The following EBF1 variants were observed in gnomAD, a reference collection of about 807,000 sequenced individuals.
EBF1 encodes EBF transcription factor 1.
Under a neutral mutation model 68.4 loss-of-function variants are expected in EBF1, and 10 were observed. That is an observed-to-expected ratio of 0.15 (90% CI 0.09 to 0.25). The LOEUF (loss-of-function observed/expected upper bound fraction) is 0.25. EBF1 is among the 10% of genes least tolerant of loss of function. The probability of loss-of-function intolerance (pLI) is 1.00; values close to 1 mark genes in which losing one functional copy is unlikely to be tolerated. For synonymous variants in EBF1, 298 were observed against 299.8 expected, an observed-to-expected ratio of 0.99 and a Z score of 0.06; for missense variants, 509 against 794.4, an observed-to-expected ratio of 0.64 and a Z score of 4.32.
At chr5:159,006,239 A>G (rs1196886350) in intron 6 of EBF1, among the ~76,000 whole-genome samples, 1 of 152,118 alleles carries the variant, frequency 6.6e-6, no homozygotes, top group Non-Finnish European at 1.5e-5. Flanking sequence ...ACACTTCCAA[A>G]AGATAACTGG....
chr5:158,860,264 A>T (rs1396929491), intron 6 of EBF1, among the ~76,000 whole-genome samples: 1 of 152,230 alleles, frequency 6.6e-6, no homozygotes, highest in Admixed American at 6.5e-5. Flanking sequence ...ACTAAGGTAG[A>T]CACTATCAAT....
chr5:158,914,308 T>C (rs1806656144), intron 6 of EBF1, among the ~76,000 whole-genome samples: 1 of 152,188 alleles, frequency 6.6e-6, no homozygotes, highest in Non-Finnish European at 1.5e-5. Flanking sequence ...TAATGATCTC[T>C]GAAAACAGCC....
chr5:159,060,113 ACAAT>A (rs1258358155), intron 6 of EBF1, among the ~76,000 whole-genome samples: 8 of 152,232 alleles, frequency 5.3e-5, no homozygotes, highest in Non-Finnish European at 5.9e-5. Flanking sequence ...GAGACATTAT[ACAAT>A]CAAAGTACTT....
At chr5:158,829,276 A>T (rs964056055) in intron 7 of EBF1, among the ~76,000 whole-genome samples, 1 of 151,858 alleles carries the variant, frequency 6.6e-6, no homozygotes, top group Admixed American at 6.6e-5. Context: ...TCCCGGGCTC[A>T]ACTGGTCCTC....
At chr5:158,764,697 T>G (rs1772258207) in intron 10 of EBF1, among the ~76,000 whole-genome samples, 1 of 152,158 alleles carries the variant, frequency 6.6e-6, no homozygotes, top group African/African-American at 2.4e-5. Context: ...GGGAGGCAGC[T>G]TGAGGTTCTA....
chr5:158,770,512 C>T (rs1478368254), intron 10 of EBF1, among the ~76,000 whole-genome samples: 1 of 152,112 alleles, frequency 6.6e-6, no homozygotes, highest in Non-Finnish European at 1.5e-5. Context: ...AACAAAACTC[C>T]TCCCCATGGC....
rs747957453 is a variant in EBF1 at position 158,777,679 on chromosome 5, G to A, written c.910-140C>T. On this transcript the variant is annotated intron_variant, in intron 9 of 15. Transcript: ENST00000313708. Reference sequence around the variant, plus strand: ...TAAATCCAATCTTGATGGAACCTGCGTGAAAGACACTGACAACAATATTTA... The same window carrying A: ...TAAATCCAATCTTGATGGAACCTGCATGAAAGACACTGACAACAATATTTA... The A allele has an allele frequency of 1.3e-5, 11 of 828,792 alleles. No individual in the cohort carries two copies. The Admixed American group carries it at 1.4e-4, about 10-fold the overall frequency. The allele number at this position is 828,792 out of a possible 1,614,324, so 51.3% of individuals were successfully genotyped here.
At chr5:158,979,430 T>A (rs1214146420) in intron 6 of EBF1, among the ~76,000 whole-genome samples, 2 of 152,184 alleles carry the variant, frequency 1.3e-5, no homozygotes, top group African/African-American at 4.8e-5. Flanking sequence ...AGTGGGTGTG[T>A]GTGTTTTAAT....
intron 10 of EBF1, among the ~76,000 whole-genome samples, chr5:158,761,611 T>G (rs974301559): frequency 6.6e-6 from 1 of 152,210 alleles, no homozygotes; most frequent in Non-Finnish European, 1.5e-5. Context: ...TCATTTCTTT[T>G]TAATGCTACC....
Position 158,809,133 on chromosome 5 carries a change from G to A in EBF1, c.779-12658C>T, listed in dbSNP as rs536912868. ...GGGACCTCATTCATTTACAAACTGG[G>A]TAGACAGTACTCTGCACTCAACCCA... On this transcript the variant is annotated intron_variant, in intron 8 of 15. Coordinates refer to ENST00000313708, the MANE Select transcript of EBF1 (RefSeq NM_024007.5). Among the ~76,000 whole-genome samples, 4 of 152,190 alleles carry A rather than the reference G, an allele frequency of 2.6e-5. No individual in the cohort carries two copies. In the East Asian group the frequency reaches 7.7e-4, roughly 29 times the overall value.
At chr5:158,821,784 G>C (rs1462797088) in intron 8 of EBF1, among the ~76,000 whole-genome samples, 2 of 152,200 alleles carry the variant, frequency 1.3e-5, no homozygotes, top group African/African-American at 4.8e-5. Context: ...GCAGGTGTTT[G>C]AAATGGCCTC....
chr5:158,783,317 A>G (rs556813925), intron 9 of EBF1, among the ~76,000 whole-genome samples: 6 of 152,334 alleles, frequency 3.9e-5, no homozygotes, highest in African/African-American at 1.2e-4. Context: ...AATATGTATT[A>G]CATGTGATTA....
intron 6 of EBF1, among the ~76,000 whole-genome samples, chr5:159,072,677 A>G (rs751777498): frequency 7.2e-5 from 11 of 152,344 alleles, no homozygotes; most frequent in Non-Finnish European, 1.3e-4. Flanking sequence ...ATGAATTTCA[A>G]TAATTAAAAT....
chr5:158,874,596 C>T (rs1182270820), intron 6 of EBF1, among the ~76,000 whole-genome samples: 3 of 152,092 alleles, frequency 2.0e-5, no homozygotes, highest in African/African-American at 7.2e-5. Context: ...TAAAGTCATA[C>T]ATCATTTCAA....
intron 6 of EBF1, among the ~76,000 whole-genome samples, chr5:158,840,673 G>GTTTTTT (rs1554157163): frequency 4.4e-5 from 3 of 68,908 alleles, no homozygotes; most frequent in African/African-American, 1.1e-4. Flanking sequence ...TTTTTTTTTT[G>GTTTTTT]TTTTTTTTTT....
At chr5:158,946,165 C>T (rs1400379979) in intron 6 of EBF1, among the ~76,000 whole-genome samples, 4 of 152,154 alleles carry the variant, frequency 2.6e-5, no homozygotes, top group Non-Finnish European at 5.9e-5. Context: ...TATTACCCAC[C>T]TTCTGAAGCC....
intron 10 of EBF1, among the ~76,000 whole-genome samples, chr5:158,742,042 A>G (rs1766522805): frequency 6.6e-6 from 1 of 152,178 alleles, no homozygotes; most frequent in Non-Finnish European, 1.5e-5. Flanking sequence ...CTGGGATTCA[A>G]ACCCAGGCAG....
chr5:158,969,884 G>GAA (rs1458719429), intron 6 of EBF1, among the ~76,000 whole-genome samples: 2 of 89,822 alleles, frequency 2.2e-5, no homozygotes, highest in Non-Finnish European at 4.7e-5. Flanking sequence ...AAGAAAGAAA[G>GAA]AAAGAAAGAA....
chr5:159,072,659 T>A (rs374294365), intron 6 of EBF1, among the ~76,000 whole-genome samples: 5 of 152,216 alleles, frequency 3.3e-5, no homozygotes, highest in Non-Finnish European at 7.3e-5. Context: ...CATACATGTT[T>A]CCATACAATG....
Sources: allele counts gnomAD v4.1 joint callset (sites outside exome capture counted in the v4.1 genomes callset), GRCh38; gene constraint gnomAD v4.1.1; transcripts MANE v1.5; gene names NCBI Gene and HGNC (gene_info 2026-07-23, HGNC 2026-07-21).